Variants in CFHR3 observed in about 807,000 individuals in gnomAD.
The protein encoded by CFHR3 is complement factor H related 3, also known as complement factor H-related protein 3.
CFHR3 carries 22 observed loss-of-function variants against 36.0 expected under a neutral mutation model. The ratio of observed to expected loss-of-function variants is 0.61; its 90% CI spans 0.44 to 0.87. The LOEUF is 0.87. Ranked by LOEUF, CFHR3 falls within the 40% of genes least tolerant of loss-of-function variation. The probability of loss-of-function intolerance (pLI) is 0.00; values close to 1 mark genes in which losing one functional copy is unlikely to be tolerated. For missense variants in CFHR3, 276 were observed against 401.3 expected, an observed-to-expected ratio of 0.69 and a Z score of 2.67; for synonymous variants, 97 against 137.4, an observed-to-expected ratio of 0.71 and a Z score of 2.06.
At chr1:196,783,307 G>A (rs1435074717) in intron 3 of CFHR3, among the ~76,000 whole-genome samples, 2 of 135,734 alleles carry the variant, frequency 1.5e-5, no homozygotes, top group African/African-American at 3.1e-5. Flanking sequence ...TCAGGATGAT[G>A]CTGGCCTCAT....
rs1384674672 is a variant in CFHR3 at position 196,776,929 on chromosome 1, T to A, written c.58+1985T>A. 2.9e-5 allele frequency among the ~76,000 whole-genome samples: 4 copies of A among 136,672 alleles called. 1 individual carries two copies. Among genetic ancestry groups the A allele is most frequent in the Admixed American group, 7.1e-5 (1 of 14,160 alleles). The allele number at this position is 136,672 out of a possible 152,430, so 89.7% of individuals were successfully genotyped here. On this transcript the variant is annotated intron_variant, in intron 1 of 5. Transcript: ENST00000367425. ...TGGGTGTATTGTCCTTGCTGATTTT[T>A]GTCTTGTTGAATACTTTGTGTTTAC...
At position 196,787,486 on chromosome 1, in the gene CFHR3, G is replaced by A. The variant is rs539205555; in HGVS notation, c.431-730G>A. On this transcript the variant is annotated intron_variant, in intron 3 of 5. Coordinates refer to ENST00000367425, the MANE Select transcript of CFHR3 (RefSeq NM_021023.6). ...AATTGGTCCATTTACATTTGTTTTT[G>A]AATTACTAATTAGAAAAGAACATAT... Among the ~76,000 whole-genome samples, 98 of 136,182 alleles carry A rather than the reference G, an allele frequency of 7.2e-4. 23 individuals are homozygous for A. Among genetic ancestry groups the A allele is most frequent in the African/African-American group, 2.9e-3 (93 of 32,438 alleles). The allele number at this position is 136,182 out of a possible 152,430, so 89.3% of individuals were successfully genotyped here.
At chr1:196,779,695 A>C (rs1653866396) in intron 2 of CFHR3, 102 bp from the exon 3 acceptor site, 1 of 1,346,540 alleles carries the variant, frequency 7.4e-7, no homozygotes, top group African/African-American at 1.8e-5. Context: ...TTGGATGTTT[A>C]TGCGATCTTA....
rs1173827206 is a variant in CFHR3, at chr1:196,787,123, T to A, written c.431-1093T>A. ...TAGAAACCGCATAATAATTATGGAA[T>A]AATTGAGACGAAAGATAATGGGAAT... On this transcript the variant is annotated intron_variant, in intron 3 of 5. Coordinates refer to ENST00000367425, the MANE Select transcript of CFHR3 (RefSeq NM_021023.6). Among the ~76,000 whole-genome samples, 8 of 137,456 alleles carry A rather than the reference T, an allele frequency of 5.8e-5. 2 individuals carry two copies. Among genetic ancestry groups the A allele is most frequent in the African/African-American group, 2.4e-4 (8 of 32,950 alleles). 90.2% of individuals were successfully genotyped at this position (137,456 alleles called of 152,430 possible). A position where few individuals can be genotyped will look rare whatever the true frequency, so the allele number is the denominator to read the frequency against.
At position 196,793,685 on chromosome 1, in the gene CFHR3, T is replaced by A; in HGVS notation, c.*172T>A. On this transcript the variant is annotated 3_prime_UTR_variant, in exon 6 of 6. Transcript: ENST00000367425. ...AACTTAATATATTCTCAAAAATATA[T>A]TAAAACAAACTAAATTATTGCTTAT... 1.6e-6 allele frequency: 1 copy of A among 624,768 alleles called. No homozygotes were observed. Among genetic ancestry groups the A allele is most frequent in the Non-Finnish European group, 2.5e-6 (1 of 396,740 alleles). 38.7% of individuals were successfully genotyped at this position (624,768 alleles called of 1,614,324 possible). A position where few individuals can be genotyped will look rare whatever the true frequency, so the allele number is the denominator to read the frequency against.
chr1:196,778,314 G>A, intron 1 of CFHR3, among the ~76,000 whole-genome samples: 1 of 136,732 alleles, frequency 7.3e-6, no homozygotes, highest in East Asian at 2.0e-4. Flanking sequence ...CACTAAAGCT[G>A]TTGTGCCGCT....
chr1:196,794,629 T>C lies in CFHR3; in HGVS notation c.*1116T>C, dbSNP rs1654528233. 2.5e-6 allele frequency: 1 copy of C among 392,916 alleles called. No individual in the cohort carries two copies. Among genetic ancestry groups the C allele is most frequent in the African/African-American group, 2.8e-5 (1 of 36,288 alleles). The allele number at this position is 392,916 out of a possible 1,614,324, so 24.3% of individuals were successfully genotyped here. On this transcript the variant is annotated 3_prime_UTR_variant, in exon 6 of 6. Transcript: ENST00000367425. Reference sequence around the variant, plus strand: ...GTTTTGCTTCAGATTTTTTTTTGTCTTTTCTCCTGTTAATTGCCTTCACTC... The same window carrying C: ...GTTTTGCTTCAGATTTTTTTTTGTCCTTTCTCCTGTTAATTGCCTTCACTC...
intron 3 of CFHR3, among the ~76,000 whole-genome samples, chr1:196,785,974 G>T (rs1167700575): frequency 7.4e-6 from 1 of 135,188 alleles, no homozygotes; most frequent in East Asian, 2.0e-4. Flanking sequence ...GTACAGATGG[G>T]TTTTTGGTGT....
intron 1 of CFHR3, among the ~76,000 whole-genome samples, chr1:196,775,414 C>G (rs1573102713): frequency 7.3e-6 from 1 of 136,634 alleles, no homozygotes; most frequent in East Asian, 2.0e-4. Context: ...TCTTATATTT[C>G]TATTATAGCT....
In CFHR3 at chr1:196,790,116, T is replaced by G. The variant is rs771500344; in HGVS notation, c.685T>G (p.Tyr229Asp). 2.9e-6 allele frequency: 4 copies of G among 1,373,332 alleles called. 1 individual carries two copies. In the South Asian group the frequency reaches 5.6e-5, roughly 19 times the overall value. 85.1% of individuals were successfully genotyped at this position (1,373,332 alleles called of 1,614,324 possible). Residue 229 changes from tyrosine (Y) to aspartate (D), a missense_variant, in exon 5 of 6, where the codon TAT becomes GAT. Physicochemically the swap from Tyr to Asp is radical, Grantham distance 160. Around this residue, in one of 3 missense-constraint regions of CFHR3, gnomAD observed 22 missense variants for 74.3 expected, o/e 0.30. Coordinates refer to ENST00000367425, the MANE Select transcript of CFHR3 (RefSeq NM_021023.6). Reference protein sequence around the residue: ...GDTTSFLLKVYVPQSRVEYQC... With the variant: ...GDTTSFLLKVDVPQSRVEYQC... ...TACCACCTCCTTTCTACTAAAAGTG[T>G]ATGTGCCACAGTCAAGAGTCGAGTA...
In CFHR3 at chr1:196,793,525, T is replaced by C; in HGVS notation, c.*12T>C. 1 of 1,517,340 alleles carries C rather than the reference T, an allele frequency of 6.6e-7. No individual in the cohort carries two copies. Among genetic ancestry groups the C allele is most frequent in the Non-Finnish European group, 8.9e-7 (1 of 1,121,496 alleles). The allele number at this position is 1,517,340 out of a possible 1,614,324, so 94.0% of individuals were successfully genotyped here. ...CCAGATGCGAATAAGGCAGCATTGTTACCCTAAATGTATGTCCAACTTCCA... is the reference window on the plus strand; with the variant it reads ...CCAGATGCGAATAAGGCAGCATTGTCACCCTAAATGTATGTCCAACTTCCA... On this transcript the variant is annotated 3_prime_UTR_variant, in exon 6 of 6. Coordinates refer to ENST00000367425, the MANE Select transcript of CFHR3 (RefSeq NM_021023.6).
In CFHR3 at chr1:196,789,517, A is replaced by G. The variant is rs1372186135; in HGVS notation, c.614-528A>G. 2.1e-6 allele frequency: 2 copies of G among 958,216 alleles called. 1 individual carries two copies. Among genetic ancestry groups the G allele is most frequent in the African/African-American group, 4.4e-5 (2 of 45,030 alleles). The allele number at this position is 958,216 out of a possible 1,614,324, so 59.4% of individuals were successfully genotyped here. ...AAAGACAGGATGCTTCATAAATTTT[A>G]TAGAACTTATATCCAATTAATATAA... On this transcript the variant is annotated intron_variant, in intron 4 of 5. Transcript: ENST00000367425.
intron 2 of CFHR3, 123 bp from the exon 3 acceptor site, chr1:196,779,674 G>T: frequency 7.9e-7 from 1 of 1,262,746 alleles, no homozygotes; most frequent in Non-Finnish European, 1.1e-6. Flanking sequence ...ATACTAAGTT[G>T]TACATTATTT....
chr1:196,783,502 A>G (rs1197349942), intron 3 of CFHR3, among the ~76,000 whole-genome samples: 1 of 131,068 alleles, frequency 7.6e-6, no homozygotes, highest in East Asian at 2.0e-4. Context: ...GTCTATTCAG[A>G]GATTCAACTT....
At position 196,776,834 on chromosome 1, in the gene CFHR3, G is replaced by GATATATATATAT. The variant is rs35001925; in HGVS notation, c.58+1896_58+1907dup. Among the ~76,000 whole-genome samples the GATATATATATAT allele has an allele frequency of 6.2e-4, 80 of 128,216 alleles. 4 individuals are homozygous for GATATATATATAT. In the East Asian group the frequency reaches 0.016, roughly 26 times the overall value. The allele number at this position is 128,216 out of a possible 152,430, so 84.1% of individuals were successfully genotyped here. On this transcript the variant is annotated intron_variant, in intron 1 of 5. Transcript: ENST00000367425. ...AATAACTTTTTACTTTTTACTCAAG[G>GATATATATATAT]ATATATATATATATATACCCACCAA...
In CFHR3 at chr1:196,794,578, A is replaced by C; in HGVS notation, c.*1065A>C. 1 of 365,102 alleles carries C rather than the reference A, an allele frequency of 2.7e-6. No individual in the cohort carries two copies. The highest frequency in any genetic ancestry group is 5.2e-6 in the Non-Finnish European group (1 of 193,524). 22.6% of individuals were successfully genotyped at this position (365,102 alleles called of 1,614,324 possible). A position where few individuals can be genotyped will look rare whatever the true frequency, so the allele number is the denominator to read the frequency against. On this transcript the variant is annotated 3_prime_UTR_variant, in exon 6 of 6. Transcript: ENST00000367425. ...ACAAATATTTTGAAAGTTTCTTCAT[A>C]TATGGTTTTTTGCATTTCTTATTAA...
At position 196,794,089 on chromosome 1, in the gene CFHR3, GT is replaced by G. The variant is rs1654514727; in HGVS notation, c.*580del. ...ATTTTCCTGTGAAAAAAGAAAAGAG[GT>G]TTTGCTAACCCTTTCAGAGCATTGG... On this transcript the variant is annotated 3_prime_UTR_variant, in exon 6 of 6. Transcript: ENST00000367425. 1 of 141,048 alleles carries G rather than the reference GT, an allele frequency of 7.1e-6. No homozygotes were observed. Among genetic ancestry groups the G allele is most frequent in the Non-Finnish European group, 1.5e-5 (1 of 67,506 alleles). The allele number at this position is 141,048 out of a possible 1,614,324, so 8.7% of individuals were successfully genotyped here.
At position 196,782,543 on chromosome 1, in the gene CFHR3, G is replaced by T. The variant is rs1259124329; in HGVS notation, c.430+2570G>T. 1.5e-5 allele frequency among the ~76,000 whole-genome samples: 2 copies of T among 136,500 alleles called. 1 individual carries two copies. The highest frequency in any genetic ancestry group is 6.2e-5 in the African/African-American group (2 of 32,504). 89.5% of individuals were successfully genotyped at this position (136,500 alleles called of 152,430 possible). A position where few individuals can be genotyped will look rare whatever the true frequency, so the allele number is the denominator to read the frequency against. On this transcript the variant is annotated intron_variant, in intron 3 of 5. Transcript: ENST00000367425. ...CGTCCCTTGTAAGTTGGATTCCTAG[G>T]TATTTTATTCTCTTTGAAGCAATTG...
At chr1:196,784,951 C>A (rs553037205) in intron 3 of CFHR3, among the ~76,000 whole-genome samples, 7 of 135,788 alleles carry the variant, frequency 5.2e-5, no homozygotes, top group African/African-American at 1.9e-4. Context: ...CCAGTTGTTC[C>A]TTTCCATGTT....
Sources: allele counts gnomAD v4.1 joint callset (sites outside exome capture counted in the v4.1 genomes callset), GRCh38; gene constraint gnomAD v4.1.1; regional missense constraint gnomAD v4.1.1; transcripts MANE v1.5; gene names NCBI Gene and HGNC (gene_info 2026-07-23, HGNC 2026-07-21).